The following THRA variants were observed in gnomAD, a reference collection of about 807,000 sequenced individuals.
THRA encodes thyroid hormone receptor alpha, also known as EAR-7.
THRA carries 13 observed loss-of-function variants against 45.0 expected under a neutral mutation model. The ratio of observed to expected loss-of-function variants is 0.29; its 90% CI spans 0.19 to 0.46. THRA has a LOEUF of 0.46. Ranked by LOEUF, THRA falls within the 20% of genes least tolerant of loss-of-function variation. The pLI is 1.00. For missense variants in THRA, 278 were observed against 556.1 expected (o/e 0.50, Z 5.03); for synonymous variants, 195 against 214.0 (o/e 0.91, Z 0.78).
chr17:40,068,033 A>C (rs907452539), intron 1 of THRA, among the ~76,000 whole-genome samples: 1 of 152,172 alleles, frequency 6.6e-6, no homozygotes, highest in African/African-American at 2.4e-5. Flanking sequence ...ACATCCTCTC[A>C]AAACAGACAG....
chr17:40,081,084 G>T (rs1333143237), intron 4 of THRA, among the ~76,000 whole-genome samples: 2 of 152,040 alleles, frequency 1.3e-5, no homozygotes, highest in African/African-American at 4.8e-5. Flanking sequence ...CCATACCTGA[G>T]GCCCAGTTCT....
At chr17:40,080,992 G>C (rs1311503289) in intron 4 of THRA, among the ~76,000 whole-genome samples, 1 of 152,062 alleles carries the variant, frequency 6.6e-6, no homozygotes, top group Non-Finnish European at 1.5e-5. Flanking sequence ...AAAGAGCTGG[G>C]ATTACAGGCG....
At position 40,089,455 on chromosome 17, in the gene THRA, A is replaced by G; in HGVS notation, c.1232A>G (p.Ter411=). The change falls in exon 9 of 9, where the codon TAA becomes TGA. Residue 411 remains the stop codon, a stop_retained_variant. Transcript: ENST00000450525. The surrounding 1 kb of genome is among the most constrained non-coding windows in gnomAD (Gnocchi z 6.1). Reference sequence around the variant, plus strand: ...GAGGTCTTTGAGGATCAGGAAGTCTAAAGCCTCAGGCGGCCAGAGGGTGTG... The same window carrying G: ...GAGGTCTTTGAGGATCAGGAAGTCTGAAGCCTCAGGCGGCCAGAGGGTGTG... The part of the protein sequence containing the change: ...FLEVFEDQEV[*] The G allele has an allele frequency of 1.9e-6, 3 of 1,613,938 alleles. No homozygotes were observed. Among genetic ancestry groups the G allele is most frequent in the African/African-American group, 1.3e-5 (1 of 75,032 alleles).
intron 1 of THRA, among the ~76,000 whole-genome samples, chr17:40,065,772 AG>A (rs59804949): frequency 0.1 from 10,468 of 104,632 alleles, 1,045 homozygotes; most frequent in African/African-American, 0.26. Flanking sequence ...GAATGGGGGA[AG>A]GGGGGGGGGG....
intron 7 of THRA, 72 bp from the exon 8 acceptor site, chr17:40,088,170 G>A (rs1371116874): frequency 2.0e-6 from 3 of 1,513,550 alleles, no homozygotes; most frequent in East Asian, 2.3e-5. Flanking sequence ...GCTCCCGTAG[G>A]ACACTCTAGG....
At chr17:40,064,067 CACAG>C (rs980122014) in intron 1 of THRA, among the ~76,000 whole-genome samples, 8 of 152,230 alleles carry the variant, frequency 5.3e-5, no homozygotes, top group East Asian at 1.9e-4. Context: ...GATATGTCCA[CACAG>C]ACAGCCACAT....
chr17:40,088,599 C>T (rs1382477882), intron 8 of THRA, 99 bp downstream of exon 8: 7 of 1,449,370 alleles, frequency 4.8e-6, no homozygotes, highest in Non-Finnish European at 5.6e-6. Context: ...GAATCTTCTT[C>T]TGGGCTACCT....
intron 1 of THRA, among the ~76,000 whole-genome samples, chr17:40,063,513 C>T (rs939130299): frequency 3.9e-5 from 6 of 152,154 alleles, no homozygotes; most frequent in Non-Finnish European, 7.4e-5. Context: ...CTCTGAGGCC[C>T]GAGTGGCCTT....
chr17:40,068,165 C>T (rs1262497754), intron 1 of THRA, among the ~76,000 whole-genome samples: 3 of 152,188 alleles, frequency 2.0e-5, no homozygotes, highest in African/African-American at 7.2e-5. Context: ...AGATCACTGG[C>T]TGGGAGTTGG....
rs1310912642 is a variant in THRA at position 40,089,932 on chromosome 17, G to A, written c.*476G>A. ...CCCCAGATGCCTGGGTGCAAAGAAC[G>A]GCTTGGCTTGGCTCCTCCTCTGGAG... On this transcript the variant is annotated 3_prime_UTR_variant, in exon 9 of 9. Coordinates refer to ENST00000450525, the MANE Select transcript of THRA (RefSeq NM_199334.5). This position sits in a 1 kb window ranked among gnomAD's most constrained non-coding sequence, Gnocchi z 6.1. 5.3e-5 allele frequency: 53 copies of A among 994,372 alleles called. No homozygotes were observed. Among genetic ancestry groups the A allele is most frequent in the Non-Finnish European group, 5.9e-5 (49 of 835,526 alleles). The allele number at this position is 994,372 out of a possible 1,614,324, so 61.6% of individuals were successfully genotyped here.
chr17:40,091,231 TACAC>T lies in THRA; in HGVS notation c.*1812_*1815del, dbSNP rs71152640. On this transcript the variant is annotated 3_prime_UTR_variant, in exon 9 of 9. Coordinates refer to ENST00000450525, the MANE Select transcript of THRA (RefSeq NM_199334.5). ...TGACCCTCAGCCTGCCACAGCCCCC[TACAC>T]ACACACACACACACACACACACACA... 31,663 of 142,194 alleles carry T rather than the reference TACAC, an allele frequency of 0.22. 3,747 individuals carry two copies. The highest frequency in any genetic ancestry group is 0.32 in the Middle Eastern group (88 of 276). The allele number at this position is 142,194 out of a possible 1,614,324, so 8.8% of individuals were successfully genotyped here.
chr17:40,082,578 T>G (rs1482279080), intron 4 of THRA, among the ~76,000 whole-genome samples: 5 of 151,490 alleles, frequency 3.3e-5, no homozygotes, highest in Admixed American at 2.6e-4. Flanking sequence ...GCCAGGCTGG[T>G]CTTGAACTCC....
intron 8 of THRA, 152 bp downstream of exon 8, chr17:40,088,652 G>T: frequency 1.0e-6 from 1 of 977,936 alleles, no homozygotes. Flanking sequence ...TCCTTGCTCT[G>T]TCACACACTT....
intron 4 of THRA, among the ~76,000 whole-genome samples, chr17:40,080,256 C>G (rs907106770): frequency 9.2e-5 from 14 of 151,904 alleles, no homozygotes; most frequent in Admixed American, 8.5e-4. Context: ...TTTAAAGTAG[C>G]CAGGCATGGT....
At chr17:40,082,207 CTTTTTTTTTT>C (rs770974952) in intron 4 of THRA, among the ~76,000 whole-genome samples, 1 of 78,784 alleles carries the variant, frequency 1.3e-5, no homozygotes, top group East Asian at 3.4e-4. Flanking sequence ...CTTGGATTTC[CTTTTTTTTTT>C]TTTTTTTTTT....
In THRA at chr17:40,089,180, C is replaced by G. The variant is rs750384835; in HGVS notation, c.983-26C>G. The G allele has an allele frequency of 6.2e-7, 1 of 1,609,726 alleles. No homozygotes were observed. Among genetic ancestry groups the G allele is most frequent in the South Asian group, 1.1e-5 (1 of 90,934 alleles). ...CTCCAGGCCTTCGGCCAGCCCCTCG[C>G]CCCTCACGCCCCTCTTCCCTCACAG... On this transcript the variant is annotated intron_variant, in intron 8 of 8. Transcript: ENST00000450525. This position sits in a 1 kb window ranked among gnomAD's most constrained non-coding sequence, Gnocchi z 6.1.
rs1598391095 is a variant in THRA, at chr17:40,074,309, G to A, written c.-180G>A. ...CACTCCCTGGCCCCTCCCACCGCCC[G>A]CCCCCCTTGGGGCGCAGGGCATGGT... On this transcript the variant is annotated 5_prime_UTR_variant, in exon 2 of 9. Coordinates refer to ENST00000450525, the MANE Select transcript of THRA (RefSeq NM_199334.5). 13 of 659,398 alleles carry A rather than the reference G, an allele frequency of 2.0e-5. No homozygotes were observed. Among genetic ancestry groups the A allele is most frequent in the East Asian group, 1.1e-4 (4 of 35,548 alleles). 40.8% of individuals were successfully genotyped at this position (659,398 alleles called of 1,614,324 possible).
chr17:40,066,685 GAAAAACAAAAAAGAAC>G, intron 1 of THRA, among the ~76,000 whole-genome samples: 1 of 68,036 alleles, frequency 1.5e-5, no homozygotes, highest in Non-Finnish European at 2.6e-5. Context: ...AAAAAAAAAA[GAAAAACAAAAAAGAAC>G]AAGGCATTAT....
At chr17:40,093,592 T>C (rs1157926326), downstream of THRA, 2 of 802,390 alleles carry the variant, frequency 2.5e-6, no homozygotes, top group African/African-American at 3.5e-5. This position sits in a 1 kb window ranked among gnomAD's most constrained non-coding sequence, Gnocchi z 5.9. Flanking sequence ...CTGCCTGGGA[T>C]GCCCTTCCCC....
Sources: allele counts gnomAD v4.1 joint callset (sites outside exome capture counted in the v4.1 genomes callset), GRCh38; gene constraint gnomAD v4.1.1; non-coding constraint Gnocchi (gnomAD v3.1); transcripts MANE v1.5; gene names NCBI Gene and HGNC (gene_info 2026-07-23, HGNC 2026-07-21).